Variants in URI1 observed in about 807,000 individuals in gnomAD.
URI1 encodes URI1 prefoldin like chaperone.
Under a neutral mutation model 60.2 loss-of-function variants are expected in URI1, and 39 were observed. The ratio of observed to expected loss-of-function variants is 0.65; its 90% confidence interval spans 0.50 to 0.85. The LOEUF (loss-of-function observed/expected upper bound fraction) is 0.85, where lower values mean the gene tolerates loss of function less well. Among genes scored for constraint, URI1 ranks in the 40% least tolerant of loss-of-function variants. URI1 has a pLI of 0.00. For missense variants in URI1, 691 were observed against 665.9 expected, an observed-to-expected ratio of 1.04 and a Z score of -0.42; for synonymous variants, 251 against 236.8, an observed-to-expected ratio of 1.06 and a Z score of -0.55.
intron 1 of URI1, among the ~76,000 whole-genome samples, chr19:29,946,783 A>G (rs1257137871): frequency 6.6e-6 from 1 of 152,252 alleles, no homozygotes; most frequent in African/African-American, 2.4e-5. Flanking sequence ...AATCCATGCC[A>G]TAGAATTTAT....
At chr19:30,001,221 C>A (rs529745212) in intron 4 of URI1, among the ~76,000 whole-genome samples, 2 of 151,794 alleles carry the variant, frequency 1.3e-5, no homozygotes, top group African/African-American at 4.8e-5. Flanking sequence ...TTTATACTTG[C>A]GTTGAGTACT....
chr19:30,005,361 A>T lies in URI1; in HGVS notation c.368A>T (p.His123Leu), dbSNP rs1036522223. Residue 123 changes from histidine to leucine, a missense_variant and splice_region_variant, in exon 5 of 11, where the codon CAT (histidine) becomes CTT (leucine). By Grantham distance (99) the His-to-Leu change is moderately conservative. Coordinates refer to ENST00000392271, the MANE Select transcript of URI1 (RefSeq NM_003796.3). ...ATAATGGTTGTGTTCATTGTTTCAG[A>T]TGTAAGAAAAACAATAGATGACTTA... is the stretch of plus-strand genomic sequence containing the variant. ...AVGLVEHRKE[H>L]VRKTIDDLKK... 11 of 1,550,628 alleles carry T rather than the reference A, an allele frequency of 7.1e-6. No individual in the cohort carries two copies. The highest frequency in any genetic ancestry group is 7.9e-6 in the Non-Finnish European group (9 of 1,134,254).
chr19:29,923,869 G>C lies in URI1; in HGVS notation c.63+115G>C, dbSNP rs530150452. 4.7e-6 allele frequency: 5 copies of C among 1,074,980 alleles called. No individual in the cohort carries two copies. The South Asian group carries it at 5.8e-5, about 13-fold the overall frequency. The allele number at this position is 1,074,980 out of a possible 1,614,324, so 66.6% of individuals were successfully genotyped here. ...ACAGAATGAACAAGATACAGATGGCGCTGTAGACATAGCTATAGACCTGGA... is the reference window on the plus strand; with the variant it reads ...ACAGAATGAACAAGATACAGATGGCCCTGTAGACATAGCTATAGACCTGGA... On this transcript the variant is annotated intron_variant, in intron 1 of 10. Coordinates refer to the URI1 transcript ENST00000360605.
intron 1 of URI1, among the ~76,000 whole-genome samples, chr19:29,955,535 TA>T: frequency 6.6e-6 from 1 of 152,212 alleles, no homozygotes; most frequent in East Asian, 1.9e-4. Flanking sequence ...TAATTTAATT[TA>T]TAATGTGAAA....
Position 30,007,624 on chromosome 19 carries a change from G to T in URI1, c.672G>T (p.Leu224=), listed in dbSNP as rs753226195. ...AACTAGAGAGACAGGAAGAATTGCT[G>T]GGTGAACTTGATAGGTACTTGATGA... The part of the protein sequence containing the change: ...LEELERQEEL[L]GELDSKPDTV... Residue 224 remains leucine (L), a synonymous_variant, in exon 7 of 11, where the codon CTG becomes CTT. Coordinates refer to ENST00000392271, the MANE Select transcript of URI1 (RefSeq NM_003796.3). The T allele has an allele frequency of 6.2e-7, 1 of 1,606,242 alleles. No homozygotes were observed. The highest frequency in any genetic ancestry group is 1.7e-5 in the Admixed American group (1 of 58,666).
chr19:29,944,499 T>C (rs866100467), intron 1 of URI1, among the ~76,000 whole-genome samples: 6 of 152,144 alleles, frequency 3.9e-5, no homozygotes, highest in Admixed American at 2.0e-4. Context: ...TTTATTCTGA[T>C]GTTAGTGTGA....
chr19:30,009,411 A>G, intron 8 of URI1, 58 bp downstream of exon 8: 3 of 1,448,290 alleles, frequency 2.1e-6, no homozygotes, highest in Admixed American at 3.7e-5. Flanking sequence ...AAGCATTATG[A>G]TATTTTTTAG....
In URI1 at chr19:29,936,545, T is replaced by C. The variant is rs2054974235; in HGVS notation, c.63+12791T>C. 2.0e-5 allele frequency among the ~76,000 whole-genome samples: 3 copies of C among 152,324 alleles called. No homozygotes were observed. The South Asian group carries it at 6.2e-4, about 32-fold the overall frequency. On this transcript the variant is annotated intron_variant, in intron 1 of 10. Transcript: ENST00000360605. Reference sequence around the variant, plus strand: ...ATCTGGCTGTGAGTTTCAGTATGAATCTCTGAGTTTCTCGCGCTTGTAATT... The same window carrying C: ...ATCTGGCTGTGAGTTTCAGTATGAACCTCTGAGTTTCTCGCGCTTGTAATT...
intron 1 of URI1, among the ~76,000 whole-genome samples, chr19:29,959,904 A>G (rs1450674584): frequency 1.3e-5 from 2 of 151,986 alleles, no homozygotes; most frequent in Admixed American, 6.6e-5. Flanking sequence ...TCTAGCCCTT[A>G]GAGATGATGG....
chr19:29,996,479 T>TTGTGTGTG (rs140817981), intron 4 of URI1, among the ~76,000 whole-genome samples: 2,246 of 150,508 alleles, frequency 0.015, 70 homozygotes, highest in African/African-American at 0.053. Flanking sequence ...CAAGGGTGTT[T>TTGTGTGTG]TGTGTGTGTG....
At chr19:29,966,730 A>G (rs943166874) in intron 1 of URI1, among the ~76,000 whole-genome samples, 3 of 152,266 alleles carry the variant, frequency 2.0e-5, no homozygotes, top group Admixed American at 1.3e-4. Flanking sequence ...CACTGATACT[A>G]TTTTCTTTTT....
intron 4 of URI1, among the ~76,000 whole-genome samples, chr19:30,004,808 T>G (rs1002854473): frequency 3.3e-5 from 5 of 152,002 alleles, no homozygotes; most frequent in Non-Finnish European, 7.4e-5. Context: ...CTCAAATAGG[T>G]TAATAGAGGG....
chr19:29,989,359 C>T (rs1255270809), intron 4 of URI1, among the ~76,000 whole-genome samples: 4 of 150,768 alleles, frequency 2.7e-5, no homozygotes, highest in Non-Finnish European at 2.9e-5. Context: ...GTGATCCACC[C>T]GCCTCAGCCT....
At chr19:29,964,681 C>G (rs1014073889) in intron 1 of URI1, among the ~76,000 whole-genome samples, 2 of 151,824 alleles carry the variant, frequency 1.3e-5, no homozygotes, top group African/African-American at 4.8e-5. Flanking sequence ...AGGCTGATCT[C>G]AAACTCCTGA....
chr19:29,942,645 T>G lies in URI1; in HGVS notation c.98T>G (p.Leu33Arg). 1 of 1,440,432 alleles carries G rather than the reference T, an allele frequency of 6.9e-7. No individual in the cohort carries two copies. Among genetic ancestry groups the G allele is most frequent in the Non-Finnish European group, 9.1e-7 (1 of 1,096,426 alleles). The allele number at this position is 1,440,432 out of a possible 1,614,324, so 89.2% of individuals were successfully genotyped here. ...VPLRAPDVAR[L>R]REEQEKVVTN... ...TTGCGCGCCCCGGATGTGGCGCGGC[T>G]GCGCGAGGAGCAGGAAAAGGTAACT... Residue 33 changes from leucine to arginine, a missense_variant, in exon 1 of 11, where the codon CTG (leucine) becomes CGG (arginine). Transcript: ENST00000392271.
At chr19:29,952,252 GC>G (rs2055189277) in intron 1 of URI1, among the ~76,000 whole-genome samples, 1 of 152,202 alleles carries the variant, frequency 6.6e-6, no homozygotes, top group African/African-American at 2.4e-5. Flanking sequence ...TTTATATTAA[GC>G]AAATCTTGAT....
chr19:29,961,448 T>C (rs1192087880), intron 1 of URI1, among the ~76,000 whole-genome samples: 2 of 152,156 alleles, frequency 1.3e-5, no homozygotes, highest in Non-Finnish European at 2.9e-5. Flanking sequence ...CTTACCATAA[T>C]GTCTCAAGGT....
At chr19:29,943,943 T>A (rs2055064420) in intron 1 of URI1, among the ~76,000 whole-genome samples, 1 of 151,232 alleles carries the variant, frequency 6.6e-6, no homozygotes, top group Non-Finnish European at 1.5e-5. Context: ...GAGATCAGCC[T>A]GGGCAACACA....
At chr19:29,974,973 A>G (rs2055502610) in intron 2 of URI1, among the ~76,000 whole-genome samples, 1 of 152,132 alleles carries the variant, frequency 6.6e-6, no homozygotes, top group Non-Finnish European at 1.5e-5. Context: ...TTTGTTATCC[A>G]GTTCACTGTT....
Sources: gnomAD v4.1 joint callset for allele counts (sites outside exome capture counted in the v4.1 genomes callset) on GRCh38, gnomAD v4.1.1 for gene constraint, MANE v1.5 for transcripts, NCBI Gene and HGNC (gene_info 2026-07-23, HGNC 2026-07-21) for gene names.